Variants in MAST1 observed in about 807,000 individuals in gnomAD.
The protein encoded by MAST1 is microtubule-associated serine/threonine-protein kinase 1.
A neutral mutation model predicts 124.6 loss-of-function variants in MAST1; 40 were observed. That is an observed-to-expected ratio of 0.32 (90% CI 0.25 to 0.42). The LOEUF (loss-of-function observed/expected upper bound fraction) is 0.42, where lower values mean the gene tolerates loss of function less well. Among genes scored for constraint, MAST1 ranks in the 10% least tolerant of loss-of-function variants. The probability of loss-of-function intolerance (pLI) is 1.00; values close to 1 mark genes in which losing one functional copy is unlikely to be tolerated. For synonymous variants in MAST1, 938 were observed against 939.4 expected, an observed-to-expected ratio of 1.00 and a Z score of 0.03; for missense variants, 1,558 against 2,181.9, an observed-to-expected ratio of 0.71 and a Z score of 5.70.
At chr19:12,846,282 G>A (rs949628333) in intron 4 of MAST1, among the ~76,000 whole-genome samples, 9 of 151,160 alleles carry the variant, frequency 6.0e-5, no homozygotes, top group Non-Finnish European at 1.3e-4. Flanking sequence ...CAAACTCCTG[G>A]GCTCAAATGA....
intron 7 of MAST1, chr19:12,848,365 A>G: frequency 3.1e-6 from 1 of 323,962 alleles, no homozygotes; most frequent in Non-Finnish European, 5.9e-6. Flanking sequence ...CAGGCCTGTA[A>G]TCCCAGCACT....
Position 12,866,235 on chromosome 19 carries a change from TGGTGGGGGCGGGGCCA to T in MAST1, c.2029+134_2029+149del. ...ATGCCTAGGTGCGAAGGTGGTATTT[TGGTGGGGGCGGGGCCA>T]AGTGGGGCGGGGCTGACATACAGGC... On this transcript the variant is annotated intron_variant, in intron 17 of 25. Coordinates refer to ENST00000251472, the MANE Select transcript of MAST1 (RefSeq NM_014975.3). The surrounding 1 kb of genome is among the most constrained non-coding windows in gnomAD (Gnocchi z 5.2). The T allele has an allele frequency of 5.5e-6, 2 of 362,240 alleles. No homozygotes were observed. 22.4% of individuals were successfully genotyped at this position (362,240 alleles called of 1,614,324 possible).
rs1171410930 is a variant in MAST1 at position 12,847,936 on chromosome 19, G to A, written c.653G>A (p.Ser218Asn). ...CTGCCTCTGGCCGATGGCGTGCTCA[G>A]CTTCATCCACCACCAGATCATCGAG... ...SVLPLADGVL[S>N]FIHHQIIELA... Residue 218 changes from serine (S) to asparagine (N), a missense_variant, in exon 7 of 26, where the codon AGC becomes AAC. Ser to Asn is a conservative substitution (Grantham distance 46). This residue lies in a region of MAST1 where 165 missense variants were observed against 315.3 expected (regional missense o/e 0.52). Coordinates refer to ENST00000251472, the MANE Select transcript of MAST1 (RefSeq NM_014975.3). The surrounding 1 kb of genome is among the most constrained non-coding windows in gnomAD (Gnocchi z 5.5). The A allele has an allele frequency of 6.2e-7, 1 of 1,614,058 alleles. No individual in the cohort carries two copies. The highest frequency in any genetic ancestry group is 8.5e-7 in the Non-Finnish European group (1 of 1,179,982).
intron 12 of MAST1, 147 bp from the exon 13 acceptor site, chr19:12,864,662 A>T: frequency 1.0e-6 from 1 of 982,516 alleles, no homozygotes; most frequent in Non-Finnish European, 1.5e-6. Context: ...CCAGTAGAGG[A>T]CCTGGAGGGA....
In MAST1 at chr19:12,850,009, G is replaced by C. The variant is rs184620051; in HGVS notation, c.775-1925G>C. Among the ~76,000 whole-genome samples, 36 of 151,882 alleles carry C rather than the reference G, an allele frequency of 2.4e-4. No individual in the cohort carries two copies. The East Asian group carries it at 6.8e-3, about 29-fold the overall frequency. ...GGCAGGGTTTCACCATGTTGGCCAG[G>C]CTGGTCTCTAACTCCTGACCTTAGG... On this transcript the variant is annotated intron_variant, in intron 7 of 25. Coordinates refer to ENST00000251472, the MANE Select transcript of MAST1 (RefSeq NM_014975.3).
intron 11 of MAST1, 23 bp from the exon 12 acceptor site, chr19:12,858,508 G>A: frequency 6.2e-7 from 1 of 1,612,774 alleles, no homozygotes; most frequent in Non-Finnish European, 8.5e-7. Flanking sequence ...GTGACGGCCG[G>A]TCCTCGCTCT....
chr19:12,842,324 G>T (rs1302187589), intron 3 of MAST1, among the ~76,000 whole-genome samples: 2 of 150,506 alleles, frequency 1.3e-5, no homozygotes, highest in Admixed American at 1.3e-4. Flanking sequence ...ACAGAGTCTC[G>T]CTCTGTTGCC....
intron 10 of MAST1, among the ~76,000 whole-genome samples, chr19:12,857,389 G>C (rs539266056): frequency 6.6e-6 from 1 of 151,654 alleles, no homozygotes; most frequent in Non-Finnish European, 1.5e-5. Context: ...GGTTACAAGC[G>C]TAAGCCACTG....
intron 12 of MAST1, among the ~76,000 whole-genome samples, chr19:12,863,570 T>C (rs1384516439): frequency 1.3e-5 from 2 of 152,204 alleles, no homozygotes; most frequent in Non-Finnish European, 2.9e-5. Flanking sequence ...ACATGTGGGC[T>C]TCCTTCTAGA....
At position 12,865,421 on chromosome 19, in the gene MAST1, G is replaced by A; in HGVS notation, c.1744G>A (p.Val582Met). The change falls in exon 15 of 26, where the codon GTG becomes ATG. Residue 582 changes from valine to methionine, a missense_variant. Around this residue, in one of 10 missense-constraint regions of MAST1, gnomAD observed 145 missense variants for 350.0 expected, o/e 0.41. Coordinates refer to ENST00000251472, the MANE Select transcript of MAST1 (RefSeq NM_014975.3). The surrounding 1 kb of genome is among the most constrained non-coding windows in gnomAD (Gnocchi z 7.1). The part of the protein sequence containing the change: ...AMGIILYEFL[V>M]GCVPFFGDTP... ...GGGGATCATCCTCTACGAGTTCCTGGTGGGCTGTGTGCCCTTCTTCGGAGA... is the reference window on the plus strand; with the variant it reads ...GGGGATCATCCTCTACGAGTTCCTGATGGGCTGTGTGCCCTTCTTCGGAGA... The A allele has an allele frequency of 6.2e-7, 1 of 1,610,726 alleles. No individual in the cohort carries two copies. The highest frequency in any genetic ancestry group is 8.5e-7 in the Non-Finnish European group (1 of 1,178,336).
intron 12 of MAST1, among the ~76,000 whole-genome samples, chr19:12,861,849 C>T (rs1970087856): frequency 6.6e-6 from 1 of 151,160 alleles, no homozygotes; most frequent in South Asian, 2.1e-4. Context: ...ATTACAGGTG[C>T]CCGCCACCAC....
At chr19:12,860,394 G>T (rs914750483) in intron 12 of MAST1, among the ~76,000 whole-genome samples, 3 of 150,868 alleles carry the variant, frequency 2.0e-5, no homozygotes, top group African/African-American at 7.3e-5. Flanking sequence ...GTGATTACAG[G>T]CGTGAACCAC....
intron 4 of MAST1, among the ~76,000 whole-genome samples, chr19:12,844,073 A>T (rs919207217): frequency 6.6e-6 from 1 of 152,182 alleles, no homozygotes; most frequent in Non-Finnish European, 1.5e-5. Context: ...CCATCTATTA[A>T]AGAGTTATGG....
chr19:12,865,498 TGTACAGG>T lies in MAST1; in HGVS notation c.1804+19_1804+25del. ...TCATCAGTGGTACGTGGCTTGGCAG[TGTACAGG>T]GGCAGAGTGTGGTGTGCACGGAGAG... On this transcript the variant is annotated intron_variant, in intron 15 of 25. Transcript: ENST00000251472. This position sits in a 1 kb window ranked among gnomAD's most constrained non-coding sequence, Gnocchi z 7.1. The T allele has an allele frequency of 6.4e-7, 1 of 1,564,624 alleles. No individual in the cohort carries two copies. Among genetic ancestry groups the T allele is most frequent in the Admixed American group, 1.9e-5 (1 of 53,532 alleles).
At chr19:12,850,327 G>T (rs986027826) in intron 7 of MAST1, among the ~76,000 whole-genome samples, 1 of 152,128 alleles carries the variant, frequency 6.6e-6, no homozygotes, top group African/African-American at 2.4e-5. Flanking sequence ...AGACCAGCCT[G>T]GGTAACATAG....
chr19:12,840,861 G>A (rs1011290362), intron 2 of MAST1, 130 bp from the exon 3 acceptor site: 1 of 750,548 alleles, frequency 1.3e-6, no homozygotes, highest in Non-Finnish European at 2.5e-6. Flanking sequence ...AGAGAGGCGG[G>A]GCCACAGGCG....
At chr19:12,867,272 G>C (rs1280329595) in intron 18 of MAST1, among the ~76,000 whole-genome samples, 1 of 152,118 alleles carries the variant, frequency 6.6e-6, no homozygotes, top group Admixed American at 6.5e-5. Context: ...TCGGGGCAGA[G>C]CCTAGAATAA....
chr19:12,874,739 C>A lies in MAST1; in HGVS notation c.4582C>A (p.Pro1528Thr). Reference sequence around the variant, plus strand: ...ACCCAGCAGTGCAGTGACCCCAGTCCCACCCGCATCCCTCTTGGGCTCAGG... The same window carrying A: ...ACCCAGCAGTGCAGTGACCCCAGTCACACCCGCATCCCTCTTGGGCTCAGG... The part of the protein sequence containing the change: ...SAPSSAVTPV[P>T]PASLLGSGTK... Residue 1528 changes from proline to threonine, a missense_variant, in exon 26 of 26, where the codon CCA (proline) becomes ACA (threonine). Pro to Thr is a conservative substitution (Grantham distance 38). This residue lies in a region of MAST1 where 168 missense variants were observed against 154.3 expected (regional missense o/e 1.09). Transcript: ENST00000251472. This position sits in a 1 kb window ranked among gnomAD's most constrained non-coding sequence, Gnocchi z 6.6. 6.2e-7 allele frequency: 1 copy of A among 1,601,578 alleles called. No individual in the cohort carries two copies. The highest frequency in any genetic ancestry group is 1.1e-5 in the South Asian group (1 of 90,362).
At chr19:12,870,718 T>G (rs1970222709) in intron 22 of MAST1, 106 bp from the exon 23 acceptor site, 56 of 1,204,478 alleles carry the variant, frequency 4.6e-5, no homozygotes, top group Non-Finnish European at 5.9e-5. Flanking sequence ...CAAGGTGTTA[T>G]GAGGATTCTA....
Sources: gnomAD v4.1 joint callset for allele counts (sites outside exome capture counted in the v4.1 genomes callset) on GRCh38, gnomAD v4.1.1 for gene constraint, gnomAD v4.1.1 regional missense constraint, Gnocchi (gnomAD v3.1) non-coding constraint, MANE v1.5 for transcripts, NCBI Gene and HGNC (gene_info 2026-07-23, HGNC 2026-07-21) for gene names.